The following MXI1 variants were observed in gnomAD, a reference collection of about 807,000 sequenced individuals.
The protein encoded by MXI1 is max-interacting protein 1.
In MXI1, 18 loss-of-function variants were observed where a neutral mutation model predicts 36.9. That is an observed-to-expected ratio of 0.49 (90% CI 0.34 to 0.72). MXI1 has a LOEUF of 0.72. MXI1 is among the 30% of genes least tolerant of loss of function. MXI1 has a pLI of 0.01. For synonymous variants in MXI1, 160 were observed against 146.7 expected (o/e 1.09, Z -0.65); for missense variants, 304 against 379.1 (o/e 0.80, Z 1.64).
At chr10:110,283,957 T>G (rs148261998) in intron 5 of MXI1, among the ~76,000 whole-genome samples, 90 of 138,886 alleles carry the variant, frequency 6.5e-4, no homozygotes, top group Non-Finnish European at 1.0e-3. Context: ...AATTTTTGTG[T>G]TGTTGTGTTT....
intron 1 of MXI1, among the ~76,000 whole-genome samples, chr10:110,220,653 G>A (rs761200761): frequency 6.6e-6 from 1 of 152,222 alleles, no homozygotes; most frequent in Non-Finnish European, 1.5e-5. Flanking sequence ...AGAATGTGGG[G>A]CATCCTCTTA....
chr10:110,243,267 C>T (rs143924771), intron 2 of MXI1, among the ~76,000 whole-genome samples: 1 of 152,040 alleles, frequency 6.6e-6, no homozygotes, highest in Admixed American at 6.6e-5. Context: ...CATCATAAGA[C>T]TCTATTTACT....
intron 1 of MXI1, among the ~76,000 whole-genome samples, chr10:110,215,938 C>T (rs1056971393): frequency 6.6e-6 from 1 of 152,182 alleles, no homozygotes. Context: ...GTCCCAAGGA[C>T]AGACACCTGC....
chr10:110,225,958 G>GC (rs1854950783), intron 1 of MXI1: 2 of 939,780 alleles, frequency 2.1e-6, no homozygotes, highest in Admixed American at 6.2e-5. Flanking sequence ...GGGCCCCGGC[G>GC]CTGCTCCCGC....
At chr10:110,284,801 C>CTT in intron 5 of MXI1, 23 bp from the exon 6 acceptor site, 31 of 1,195,378 alleles carry the variant, frequency 2.6e-5, no homozygotes, top group Non-Finnish European at 2.9e-5. Context: ...TAATGTTCTT[C>CTT]TTTTTTTTTT....
intron 3 of MXI1, among the ~76,000 whole-genome samples, chr10:110,256,460 G>A (rs536333596): frequency 1.1e-4 from 17 of 151,726 alleles, no homozygotes; most frequent in South Asian, 4.2e-4. Flanking sequence ...AAAATTAGCC[G>A]GGCATGGTGG....
chr10:110,276,645 G>A (rs1163261083), intron 3 of MXI1, among the ~76,000 whole-genome samples: 1 of 151,756 alleles, frequency 6.6e-6, no homozygotes, highest in Non-Finnish European at 1.5e-5. Flanking sequence ...TCAAGCAAGT[G>A]TCTGGAACAG....
intron 3 of MXI1, among the ~76,000 whole-genome samples, chr10:110,259,568 A>G (rs1451440583): frequency 2.0e-5 from 3 of 152,108 alleles, no homozygotes; most frequent in Non-Finnish European, 4.4e-5. Context: ...GATAATTTCT[A>G]TTCTGGTACA....
chr10:110,207,915 CG>C lies in MXI1; in HGVS notation c.109del (p.Ala37ProfsTer82). ...VPPAVAAPQP[P>X]ALPEDPAGAK... is the part of the protein sequence containing the mutation. ...CCCGCCGTGGCCGCGCCCCAGCCCC[CG>C]GCCCTGCCCGAGGACCCCGCTGGGG... On this transcript the variant is annotated frameshift_variant, in exon 1 of 6. Transcript: ENST00000332674. LOFTEE classifies it high-confidence loss of function. 6.6e-7 allele frequency: 1 copy of C among 1,521,078 alleles called. No individual in the cohort carries two copies. The highest frequency in any genetic ancestry group is 8.8e-7 in the Non-Finnish European group (1 of 1,134,560). 94.2% of individuals were successfully genotyped at this position (1,521,078 alleles called of 1,614,324 possible).
intron 3 of MXI1, among the ~76,000 whole-genome samples, chr10:110,275,397 A>G (rs1338803335): frequency 6.6e-6 from 1 of 152,210 alleles, no homozygotes; most frequent in African/African-American, 2.4e-5. Flanking sequence ...CTGGTTACCA[A>G]CAGGGAGACT....
At chr10:110,261,244 T>A in intron 3 of MXI1, 1 of 630,732 alleles carries the variant, frequency 1.6e-6, no homozygotes, top group Non-Finnish European at 2.0e-6. Flanking sequence ...GCCCCATTCC[T>A]AATTCTAGGA....
chr10:110,228,089 G>T, intron 1 of MXI1, 100 bp from the exon 2 acceptor site: 1 of 1,361,418 alleles, frequency 7.3e-7, no homozygotes, highest in Admixed American at 1.8e-5. Context: ...CTCTTTTCCT[G>T]CTTTCAAAAA....
chr10:110,212,691 C>G (rs1360807120), intron 1 of MXI1, among the ~76,000 whole-genome samples: 1 of 152,184 alleles, frequency 6.6e-6, no homozygotes, highest in Non-Finnish European at 1.5e-5. Context: ...GGTTCCATTT[C>G]CTTTTTGCAA....
At chr10:110,268,199 T>C (rs1856743094) in intron 3 of MXI1, among the ~76,000 whole-genome samples, 1 of 152,234 alleles carries the variant, frequency 6.6e-6, no homozygotes, top group Non-Finnish European at 1.5e-5. Flanking sequence ...CCTTCTTTTC[T>C]CAAATCCCTG....
intron 5 of MXI1, among the ~76,000 whole-genome samples, chr10:110,283,890 C>G (rs1015062541): frequency 6.6e-6 from 1 of 151,856 alleles, no homozygotes; most frequent in Non-Finnish European, 1.5e-5. Flanking sequence ...AAGAGTGATC[C>G]TCCCACCTTG....
intron 3 of MXI1, among the ~76,000 whole-genome samples, chr10:110,249,464 A>G (rs1046413378): frequency 6.6e-6 from 1 of 151,866 alleles, no homozygotes; most frequent in African/African-American, 2.4e-5. Context: ...TTGTAATCCC[A>G]ACTTCTTGGG....
At chr10:110,254,279 T>G (rs1856205221) in intron 3 of MXI1, among the ~76,000 whole-genome samples, 1 of 152,154 alleles carries the variant, frequency 6.6e-6, no homozygotes, top group African/African-American at 2.4e-5. Context: ...TAATCTTTGA[T>G]GTTATTATTG....
rs1273177117 is a variant in MXI1 at position 110,286,745 on chromosome 10, A to G, written c.*1758A>G. On this transcript the variant is annotated 3_prime_UTR_variant, in exon 6 of 6. Transcript: ENST00000332674. The stretch of plus-strand genomic sequence containing the variant: ...TTGGTCATACATTACGCCTCAACAT[A>G]TACTTGTGCTCTTCCTTTGCCTCCA... 6.6e-6 allele frequency: 1 copy of G among 152,276 alleles called. No homozygotes were observed. Among genetic ancestry groups the G allele is most frequent in the East Asian group, 1.9e-4 (1 of 5,194 alleles). 9.4% of individuals were successfully genotyped at this position (152,276 alleles called of 1,614,324 possible).
chr10:110,210,968 A>G (rs759126612), intron 1 of MXI1, among the ~76,000 whole-genome samples: 3 of 151,866 alleles, frequency 2.0e-5, no homozygotes, highest in Admixed American at 1.3e-4. Context: ...GCGTTCCGAT[A>G]GGATTCCAGC....
Sources: gnomAD v4.1 joint callset for allele counts (sites outside exome capture counted in the v4.1 genomes callset) on GRCh38, gnomAD v4.1.1 for gene constraint, MANE v1.5 for transcripts, NCBI Gene and HGNC (gene_info 2026-07-23, HGNC 2026-07-21) for gene names.